ADAMTS3: variants seen among roughly 807,000 people sequenced by gnomAD.
ADAMTS3 encodes the protein ADAM metallopeptidase with thrombospondin type 1 motif 3.
Under a neutral mutation model 129.0 loss-of-function variants are expected in ADAMTS3, and 73 were observed. The observed-to-expected ratio is 0.57, with a 90% CI of 0.47 to 0.69. The LOEUF (loss-of-function observed/expected upper bound fraction) is 0.69, where lower values mean the gene tolerates loss of function less well. ADAMTS3 is among the 30% of genes least tolerant of loss of function. ADAMTS3 has a pLI of 0.00. For missense variants in ADAMTS3, 1,457 were observed against 1,514.5 expected (o/e 0.96, Z 0.63); for synonymous variants, 477 against 510.8 (o/e 0.93, Z 0.89).
intron 5 of ADAMTS3, among the ~76,000 whole-genome samples, chr4:72,334,066 G>A (rs991071061): frequency 6.6e-6 from 1 of 151,768 alleles, no homozygotes; most frequent in African/African-American, 2.4e-5. Context: ...TGTTAGCCAG[G>A]ATGGTCTCAA....
At chr4:72,286,895 AAGAT>A (rs1008335479) in intron 21 of ADAMTS3, among the ~76,000 whole-genome samples, 2 of 152,078 alleles carry the variant, frequency 1.3e-5, no homozygotes, top group Non-Finnish European at 2.9e-5. Flanking sequence ...TAGGAAGAGA[AAGAT>A]AGGAGGAGAA....
intron 3 of ADAMTS3, among the ~76,000 whole-genome samples, chr4:72,530,794 T>G (rs62319470): frequency 2.2e-5 from 2 of 92,126 alleles, no homozygotes; most frequent in Non-Finnish European, 4.0e-5. Flanking sequence ...ATACATTATA[T>G]ATTATATATA....
intron 3 of ADAMTS3, among the ~76,000 whole-genome samples, chr4:72,522,368 T>C (rs1720697098): frequency 6.6e-6 from 1 of 152,176 alleles, no homozygotes; most frequent in Admixed American, 6.6e-5. Flanking sequence ...AACTTACTTT[T>C]CACTTCCATG....
At position 72,319,954 on chromosome 4, in the gene ADAMTS3, G is replaced by A. The variant is rs1719510962; in HGVS notation, c.1112C>T (p.Pro371Leu). 1 of 1,611,612 alleles carries A rather than the reference G, an allele frequency of 6.2e-7. No individual in the cohort carries two copies. The highest frequency in any genetic ancestry group is 1.7e-5 in the Admixed American group (1 of 59,998). ...CACTGGATGACACATGCCGGTGACT[G>A]GAGCATATCCTGTAGAGAATAACAA... ...FGPAGMQGYA[P>L]VTGMCHPVRS... is the part of the protein sequence containing the mutation. Residue 371 changes from proline (P) to leucine (L), a missense_variant, in exon 8 of 22, where the codon CCA becomes CTA. By Grantham distance (98) the Pro-to-Leu change is moderately conservative. Coordinates refer to ENST00000286657, the MANE Select transcript of ADAMTS3 (RefSeq NM_014243.3).
chr4:72,551,487 T>A (rs1721645175), intron 2 of ADAMTS3, among the ~76,000 whole-genome samples: 1 of 152,164 alleles, frequency 6.6e-6, no homozygotes, highest in Non-Finnish European at 1.5e-5. Flanking sequence ...ATAATAAACA[T>A]TTCTTAAATG....
chr4:72,289,547 G>T (rs1718604604), intron 20 of ADAMTS3, among the ~76,000 whole-genome samples: 2 of 152,160 alleles, frequency 1.3e-5, no homozygotes, highest in African/African-American at 4.8e-5. Flanking sequence ...TTTGATATGT[G>T]TTATCATTAT....
intron 3 of ADAMTS3, among the ~76,000 whole-genome samples, chr4:72,542,997 T>C (rs1721372808): frequency 6.6e-6 from 1 of 152,222 alleles, no homozygotes; most frequent in South Asian, 2.1e-4. Flanking sequence ...TGAGAAAGCA[T>C]ATCATCATTA....
At chr4:72,315,495 A>C (rs1442956198) in intron 11 of ADAMTS3, among the ~76,000 whole-genome samples, 4 of 152,116 alleles carry the variant, frequency 2.6e-5, no homozygotes, top group Admixed American at 6.5e-5. Flanking sequence ...CAAATCAAGA[A>C]ATGTGGGGTG....
chr4:72,548,508 G>A lies in ADAMTS3; in HGVS notation c.474C>T (p.Thr158=), dbSNP rs1311846435. ...YVGDIVDIPG[T]SVAISNCDGL... is the part of the protein sequence containing the mutation. ...CATCACAGTTGCTGATGGCAACAGA[G>A]GTTCCTGGAATGTCCACGATGTCAC... Residue 158 remains threonine, a synonymous_variant, in exon 3 of 22, where the codon ACC becomes ACT. Coordinates refer to ENST00000286657, the MANE Select transcript of ADAMTS3 (RefSeq NM_014243.3). 3.7e-6 allele frequency: 6 copies of A among 1,613,828 alleles called. No homozygotes were observed. The highest frequency in any genetic ancestry group is 1.1e-5 in the South Asian group (1 of 91,072).
chr4:72,375,130 T>G (rs1373589843), intron 4 of ADAMTS3, among the ~76,000 whole-genome samples: 1 of 152,178 alleles, frequency 6.6e-6, no homozygotes, highest in African/African-American at 2.4e-5. Context: ...ATTTCTAGCA[T>G]TATCTCACCC....
chr4:72,561,183 T>C lies in ADAMTS3; in HGVS notation c.97+6191A>G, dbSNP rs564115568. On this transcript the variant is annotated intron_variant, in intron 2 of 21. Transcript: ENST00000286657. ...TGGCCAAGATGGTGAAACTCGTCTC[T>C]ACCAAAAATACAAAAATTAGCCGGC... Among the ~76,000 whole-genome samples, 9 of 152,174 alleles carry C rather than the reference T, an allele frequency of 5.9e-5. No individual in the cohort carries two copies. In the South Asian group the frequency reaches 1.7e-3, roughly 28 times the overall value.
At chr4:72,300,842 A>G (rs1048394164) in intron 17 of ADAMTS3, among the ~76,000 whole-genome samples, 1 of 152,148 alleles carries the variant, frequency 6.6e-6, no homozygotes, top group Non-Finnish European at 1.5e-5. Flanking sequence ...ACCACATGGA[A>G]AAGCTGGGGA....
At chr4:72,568,276 A>G (rs1329625260) in intron 1 of ADAMTS3, among the ~76,000 whole-genome samples, 1 of 152,186 alleles carries the variant, frequency 6.6e-6, no homozygotes, top group Non-Finnish European at 1.5e-5. Context: ...AGAAAGCTCC[A>G]GGAACCCGAC....
chr4:72,512,393 G>A (rs1482941837), intron 3 of ADAMTS3, among the ~76,000 whole-genome samples: 3 of 152,148 alleles, frequency 2.0e-5, no homozygotes, highest in Non-Finnish European at 4.4e-5. Flanking sequence ...TCGGGAGGCT[G>A]AGGCAGAAGA....
At chr4:72,510,474 C>T (rs765488867) in intron 3 of ADAMTS3, among the ~76,000 whole-genome samples, 23 of 151,774 alleles carry the variant, frequency 1.5e-4, no homozygotes, top group Non-Finnish European at 3.1e-4. Flanking sequence ...TTCTATATGC[C>T]AACAGTGAAC....
At chr4:72,507,699 T>C (rs1034137115) in intron 3 of ADAMTS3, among the ~76,000 whole-genome samples, 103 of 152,296 alleles carry the variant, frequency 6.8e-4, no homozygotes, top group African/African-American at 2.4e-3. Context: ...TCAATGAGCA[T>C]TTAAAGCACT....
chr4:72,565,595 G>T (rs569775918), intron 2 of ADAMTS3, among the ~76,000 whole-genome samples: 1 of 152,246 alleles, frequency 6.6e-6, no homozygotes, highest in Non-Finnish European at 1.5e-5. Flanking sequence ...CATTCAACTG[G>T]AAAACGATAA....
At chr4:72,479,278 A>G (rs1350941712) in intron 3 of ADAMTS3, among the ~76,000 whole-genome samples, 1 of 152,162 alleles carries the variant, frequency 6.6e-6, no homozygotes, top group Non-Finnish European at 1.5e-5. Context: ...GCATCACACT[A>G]CCTGACTTCA....
At chr4:72,540,003 A>G (rs563131278) in intron 3 of ADAMTS3, among the ~76,000 whole-genome samples, 61 of 152,326 alleles carry the variant, frequency 4.0e-4, no homozygotes, top group African/African-American at 1.4e-3. Context: ...TGCTGAAAAG[A>G]TACCCAAAAA....
Sources: gnomAD v4.1 joint callset for allele counts (sites outside exome capture counted in the v4.1 genomes callset) on GRCh38, gnomAD v4.1.1 for gene constraint, MANE v1.5 for transcripts, NCBI Gene and HGNC (gene_info 2026-07-23, HGNC 2026-07-21) for gene names.